Variants in TEKT5 observed in about 807,000 individuals in gnomAD.
TEKT5 encodes the protein tektin-5.
In TEKT5, 52 loss-of-function variants were observed where a neutral mutation model predicts 48.7. That is an observed-to-expected ratio of 1.07 (90% confidence interval 0.86 to 1.35). The LOEUF (loss-of-function observed/expected upper bound fraction) is 1.35, where lower values mean the gene tolerates loss of function less well. Among genes scored for constraint, TEKT5 ranks in the 40% most tolerant of loss-of-function variants. TEKT5 has a pLI of 0.00. For synonymous variants in TEKT5, 318 were observed against 267.6 expected, an observed-to-expected ratio of 1.19 and a Z score of -1.84; for missense variants, 831 against 641.6, an observed-to-expected ratio of 1.30 and a Z score of -3.19.
At chr16:10,652,392 C>T (rs571316120) in intron 5 of TEKT5, among the ~76,000 whole-genome samples, 2 of 151,126 alleles carry the variant, frequency 1.3e-5, no homozygotes, top group Admixed American at 6.6e-5. Flanking sequence ...TATACTCAGG[C>T]AAAAACACAC....
chr16:10,645,375 G>T (rs754740612), intron 5 of TEKT5, among the ~76,000 whole-genome samples: 1 of 151,806 alleles, frequency 6.6e-6, no homozygotes, highest in Non-Finnish European at 1.5e-5. Context: ...AGTCAGGTGT[G>T]GTGGTTTGCA....
rs1898639085 is a variant in TEKT5 at position 10,676,053 on chromosome 16, A to G, written c.992T>C (p.Met331Thr). 1 of 1,614,222 alleles carries G rather than the reference A, an allele frequency of 6.2e-7. No individual in the cohort carries two copies. Among genetic ancestry groups the G allele is most frequent in the Non-Finnish European group, 8.5e-7 (1 of 1,180,038 alleles). The change falls in exon 5 of 7, where the codon ATG becomes ACG. Residue 331 changes from methionine to threonine, a missense_variant. Coordinates refer to ENST00000283025, the MANE Select transcript of TEKT5 (RefSeq NM_144674.2). ...GTTGGTGTCTGTGAACTGCCTCCAC[A>G]TCTGATCCGACAAGGTCTCAAAGAG... The part of the protein sequence containing the change: ...EHLFETLSDQ[M>T]WRQFTDTNLA...
chr16:10,647,720 G>C (rs971612110), intron 5 of TEKT5, among the ~76,000 whole-genome samples: 1 of 152,184 alleles, frequency 6.6e-6, no homozygotes, highest in South Asian at 2.1e-4. Flanking sequence ...TTTACAAAAG[G>C]CCTGTCTCCT....
chr16:10,640,670 C>T (rs561657514), intron 5 of TEKT5, among the ~76,000 whole-genome samples: 1 of 152,196 alleles, frequency 6.6e-6, no homozygotes, highest in Non-Finnish European at 1.5e-5. Flanking sequence ...ATAAACACTT[C>T]TGTCACGGTG....
intron 5 of TEKT5, among the ~76,000 whole-genome samples, chr16:10,674,617 G>GAAAAAAAAAAAAAAAAAAAAAAAAAA (rs57583870): frequency 1.3e-5 from 1 of 74,746 alleles, no homozygotes. Flanking sequence ...GATCATCTCA[G>GAAAAAAAAAAAAAAAAAAAAAAAAAA]AAAAAAAAAA....
At chr16:10,664,367 G>A (rs1195261806) in intron 5 of TEKT5, among the ~76,000 whole-genome samples, 1 of 152,236 alleles carries the variant, frequency 6.6e-6, no homozygotes, top group Non-Finnish European at 1.5e-5. Context: ...CAGATCGCTA[G>A]ACCCCACTGG....
At chr16:10,638,986 C>A (rs1265730612) in intron 5 of TEKT5, among the ~76,000 whole-genome samples, 1 of 152,166 alleles carries the variant, frequency 6.6e-6, no homozygotes, top group East Asian at 1.9e-4. Flanking sequence ...TGATTTACAA[C>A]ATAAGGGTCC....
At chr16:10,672,363 G>C (rs1023016782) in intron 5 of TEKT5, among the ~76,000 whole-genome samples, 10 of 152,046 alleles carry the variant, frequency 6.6e-5, no homozygotes, top group African/African-American at 2.4e-4. Flanking sequence ...GATCACTTGA[G>C]CCCAGGGAAC....
At chr16:10,628,183 T>C (rs60637108) in intron 6 of TEKT5, among the ~76,000 whole-genome samples, 20,982 of 152,114 alleles carry the variant, frequency 0.14, 1,853 homozygotes, top group African/African-American at 0.23. Context: ...ATGCACTCAC[T>C]GTGCACTGGG....
chr16:10,666,950 C>T (rs1898468552), intron 5 of TEKT5, among the ~76,000 whole-genome samples: 1 of 150,150 alleles, frequency 6.7e-6, no homozygotes, highest in African/African-American at 2.5e-5. Flanking sequence ...ATGAACTAAA[C>T]TTCATTCAGC....
chr16:10,690,756 G>T (rs1408541558), intron 1 of TEKT5: 1 of 985,288 alleles, frequency 1.0e-6, no homozygotes, highest in Admixed American at 6.1e-5. Flanking sequence ...CTTTTCAGGG[G>T]CGCTCTATGA....
At chr16:10,644,593 C>G (rs112695743) in intron 5 of TEKT5, among the ~76,000 whole-genome samples, 3,261 of 152,230 alleles carry the variant, frequency 0.021, 121 homozygotes, top group African/African-American at 0.074. Context: ...CTTCCTGGAT[C>G]TATTTGTCTG....
chr16:10,686,364 G>A lies in TEKT5; in HGVS notation c.719+2889C>T, dbSNP rs1042026871. Reference sequence around the variant, plus strand: ...CCCTGCTACTCAGGAGGCCGAAGCAGGAGAATCACTTGAACCCAGGAGGAG... The same window carrying A: ...CCCTGCTACTCAGGAGGCCGAAGCAAGAGAATCACTTGAACCCAGGAGGAG... On this transcript the variant is annotated intron_variant, in intron 3 of 6. Transcript: ENST00000283025. 3.8e-4 allele frequency among the ~76,000 whole-genome samples: 58 copies of A among 151,998 alleles called. 1 individual carries two copies. Among genetic ancestry groups the A allele is most frequent in the Admixed American group, 2.0e-4 (3 of 15,250 alleles).
chr16:10,628,363 A>C (rs984699775), intron 6 of TEKT5, among the ~76,000 whole-genome samples: 7 of 152,250 alleles, frequency 4.6e-5, no homozygotes, highest in African/African-American at 1.7e-4. Flanking sequence ...TAGGAGACCA[A>C]TCTGGAGATT....
chr16:10,643,997 G>C (rs374170477), intron 5 of TEKT5, among the ~76,000 whole-genome samples: 238 of 152,228 alleles, frequency 1.6e-3, no homozygotes, highest in African/African-American at 5.3e-3. Context: ...AACCGAGGTC[G>C]CACCATCGCA....
intron 5 of TEKT5, among the ~76,000 whole-genome samples, chr16:10,639,712 G>A (rs964277594): frequency 1.3e-5 from 2 of 152,186 alleles, no homozygotes; most frequent in African/African-American, 4.8e-5. Flanking sequence ...CCTCCCAATT[G>A]AAACAAATCA....
Position 10,689,926 on chromosome 16 carries a change from C to G in TEKT5, c.648+16G>C, listed in dbSNP as rs368495456. 5.6e-6 allele frequency: 9 copies of G among 1,613,740 alleles called. No homozygotes were observed. In the African/African-American group the frequency reaches 9.3e-5, roughly 17 times the overall value. Reference sequence around the variant, plus strand: ...GCCTCCTTCAGGGGGCTGGGCAGAACCAGGAGATGCCTTACCCGGATAAGG... The same window carrying G: ...GCCTCCTTCAGGGGGCTGGGCAGAAGCAGGAGATGCCTTACCCGGATAAGG... On this transcript the variant is annotated intron_variant, in intron 2 of 6. Coordinates refer to ENST00000283025, the MANE Select transcript of TEKT5 (RefSeq NM_144674.2).
In TEKT5 at chr16:10,690,196, C is replaced by T. The variant is rs145289617; in HGVS notation, c.565-171G>A. 3.6e-5 allele frequency: 23 copies of T among 632,038 alleles called. 1 individual carries two copies. The highest frequency in any genetic ancestry group is 1.6e-4 in the South Asian group (8 of 48,862). The allele number at this position is 632,038 out of a possible 1,614,324, so 39.2% of individuals were successfully genotyped here. A position where few individuals can be genotyped will look rare whatever the true frequency, so the allele number is the denominator to read the frequency against. On this transcript the variant is annotated intron_variant, in intron 1 of 6. Transcript: ENST00000283025. ...ATGGGCTTCTGCCTCCCCTTCTCCC[C>T]GGATGAGAGCTGTGGGTTGTCATAT...
rs1897772507 is a variant in TEKT5, at chr16:10,627,690, C to G, written c.1351G>C (p.Glu451Gln). Reference sequence around the variant, plus strand: ...TTGGCCTTGATGGCGAGCTCGTGCTCCAGCCGGCACTTGGTCATGACCAGC... The same window carrying G: ...TTGGCCTTGATGGCGAGCTCGTGCTGCAGCCGGCACTTGGTCATGACCAGC... ...QLLVMTKCRL[E>Q]HELAIKANTL... The change falls in exon 7 of 7, where the codon GAG becomes CAG. Residue 451 changes from glutamate (E) to glutamine (Q), a missense_variant. Physicochemically the swap from Glu to Gln is conservative, Grantham distance 29. Coordinates refer to ENST00000283025, the MANE Select transcript of TEKT5 (RefSeq NM_144674.2). 6.2e-7 allele frequency: 1 copy of G among 1,614,214 alleles called. No individual in the cohort carries two copies. The highest frequency in any genetic ancestry group is 8.5e-7 in the Non-Finnish European group (1 of 1,180,052).
Sources: gnomAD v4.1 joint callset for allele counts (sites outside exome capture counted in the v4.1 genomes callset) on GRCh38, gnomAD v4.1.1 for gene constraint, MANE v1.5 for transcripts, NCBI Gene and HGNC (gene_info 2026-07-23, HGNC 2026-07-21) for gene names.